Variants in DLG2 observed in about 807,000 individuals in gnomAD.
The protein encoded by DLG2 is discs large MAGUK scaffold protein 2.
In DLG2, 45 loss-of-function variants were observed where a neutral mutation model predicts 132.5. That is an observed-to-expected ratio of 0.34 (90% CI 0.27 to 0.44). The LOEUF (loss-of-function observed/expected upper bound fraction) is 0.44. DLG2 is among the 20% of genes least tolerant of loss of function. The pLI, the probability that DLG2 is intolerant of heterozygous loss-of-function variation, is 1.00. For missense variants in DLG2, 1,045 were observed against 1,196.9 expected (o/e 0.87, Z 1.87); for synonymous variants, 424 against 419.6 (o/e 1.01, Z -0.13).
rs12273398 is a variant in DLG2, at chr11:84,897,018, C to G, written c.357+214643G>C. Among the ~76,000 whole-genome samples the G allele has an allele frequency of 1.7e-3, 255 of 151,794 alleles. 1 individual carries two copies. The highest frequency in any genetic ancestry group is 2.7e-3 in the Non-Finnish European group (181 of 67,780). On this transcript the variant is annotated intron_variant, in intron 6 of 27. Transcript: ENST00000376104. ...GAGTTTCTATGTACCAACCAACCAG[C>G]TTAAGAAATGTATTAATACAGCTGA...
chr11:83,528,478 C>T (rs1202535110), intron 21 of DLG2, among the ~76,000 whole-genome samples: 6 of 152,114 alleles, frequency 3.9e-5, no homozygotes, highest in East Asian at 1.9e-4. Flanking sequence ...TTTCCACTAT[C>T]GTGTTCATGC....
chr11:84,330,479 T>C (rs2154400925), intron 7 of DLG2, among the ~76,000 whole-genome samples: 1 of 152,340 alleles, frequency 6.6e-6, no homozygotes, highest in South Asian at 2.1e-4. Flanking sequence ...TCTGTAGTTT[T>C]CCCATGGTCA....
At chr11:84,357,371 T>C (rs981453529) in intron 7 of DLG2, among the ~76,000 whole-genome samples, 3 of 152,094 alleles carry the variant, frequency 2.0e-5, no homozygotes, top group Admixed American at 2.0e-4. Context: ...AGTCCATGTA[T>C]GTCTTCCTCT....
chr11:84,825,103 G>A (rs938754433), intron 6 of DLG2, among the ~76,000 whole-genome samples: 1 of 151,772 alleles, frequency 6.6e-6, no homozygotes, highest in Admixed American at 6.6e-5. Context: ...GACAGTCTCC[G>A]GGAAGAAACA....
intron 3 of DLG2, among the ~76,000 whole-genome samples, chr11:85,429,921 T>A (rs1412390357): frequency 6.6e-6 from 1 of 152,246 alleles, no homozygotes; most frequent in Admixed American, 6.5e-5. Flanking sequence ...ATGTTTATTG[T>A]GGCACTATTC....
At chr11:84,857,109 T>C (rs2082896644) in intron 6 of DLG2, among the ~76,000 whole-genome samples, 1 of 151,194 alleles carries the variant, frequency 6.6e-6, no homozygotes, top group Non-Finnish European at 1.5e-5. Flanking sequence ...AATACCAACT[T>C]TTCTGGGCAA....
chr11:84,364,065 A>T lies in DLG2; in HGVS notation c.520-112774T>A, dbSNP rs558134590. ...TGTGAAGAAAGTCATTGGTAGCTTG[A>T]TGGGGATGGCATTGAATCTATAAAT... On this transcript the variant is annotated intron_variant, in intron 7 of 27. Transcript: ENST00000376104. Among the ~76,000 whole-genome samples, 479 of 152,188 alleles carry T rather than the reference A, an allele frequency of 3.1e-3. 1 individual carries two copies. Among genetic ancestry groups the T allele is most frequent in the African/African-American group, 0.011 (456 of 41,476 alleles).
intron 6 of DLG2, among the ~76,000 whole-genome samples, chr11:85,035,696 G>A (rs2061381197): frequency 6.6e-6 from 1 of 152,090 alleles, no homozygotes; most frequent in Non-Finnish European, 1.5e-5. Flanking sequence ...ACTATCTTTA[G>A]TAATTTACAT....
chr11:84,152,472 C>T (rs1190515380), intron 9 of DLG2, among the ~76,000 whole-genome samples: 1 of 151,576 alleles, frequency 6.6e-6, no homozygotes, highest in Non-Finnish European at 1.5e-5. Context: ...CTGCAAGCTC[C>T]ACCTCCTGGG....
At chr11:85,299,843 T>C (rs1396614194) in intron 3 of DLG2, among the ~76,000 whole-genome samples, 1 of 152,214 alleles carries the variant, frequency 6.6e-6, no homozygotes, top group Non-Finnish European at 1.5e-5. Flanking sequence ...AACATTTCAG[T>C]ACTGTATAGA....
intron 7 of DLG2, among the ~76,000 whole-genome samples, chr11:84,302,135 G>A (rs192164282): frequency 1.6e-4 from 25 of 152,240 alleles, no homozygotes; most frequent in Non-Finnish European, 4.4e-5. Flanking sequence ...ACTCATAAGT[G>A]GGAGCTGAAC....
chr11:83,948,205 T>C (rs1012710049), intron 14 of DLG2, among the ~76,000 whole-genome samples: 1 of 152,216 alleles, frequency 6.6e-6, no homozygotes. Context: ...ATGGATCAGT[T>C]GATAACATTC....
At chr11:83,507,594 C>CTA (rs2094781057) in intron 21 of DLG2, among the ~76,000 whole-genome samples, 1 of 142,636 alleles carries the variant, frequency 7.0e-6, no homozygotes, top group South Asian at 2.2e-4. Context: ...ATATAGATAT[C>CTA]TATAGGATAT....
At chr11:84,128,185 G>A (rs908734391) in intron 9 of DLG2, among the ~76,000 whole-genome samples, 9 of 152,102 alleles carry the variant, frequency 5.9e-5, no homozygotes, top group Non-Finnish European at 1.0e-4. Flanking sequence ...TGGATAAGTA[G>A]GAAGAAGGTG....
At chr11:83,753,019 G>C (rs1037003402) in intron 18 of DLG2, among the ~76,000 whole-genome samples, 1 of 152,200 alleles carries the variant, frequency 6.6e-6, no homozygotes, top group Non-Finnish European at 1.5e-5. Flanking sequence ...AGGGGACAGT[G>C]AATTTACAAA....
At chr11:83,712,475 A>G (rs570165237) in intron 18 of DLG2, among the ~76,000 whole-genome samples, 21 of 152,114 alleles carry the variant, frequency 1.4e-4, no homozygotes, top group African/African-American at 4.8e-4. Context: ...TTAAAAATAC[A>G]AAAAATTAGC....
intron 6 of DLG2, among the ~76,000 whole-genome samples, chr11:84,639,289 G>T (rs1479438216): frequency 2.0e-5 from 3 of 148,844 alleles, no homozygotes; most frequent in African/African-American, 7.4e-5. Context: ...GTTTTATACT[G>T]AACATATTTT....
At chr11:84,353,238 T>C (rs1282506233) in intron 7 of DLG2, among the ~76,000 whole-genome samples, 1 of 152,158 alleles carries the variant, frequency 6.6e-6, no homozygotes, top group Non-Finnish European at 1.5e-5. Context: ...CTAAATCCAA[T>C]AGACAGTTTT....
intron 18 of DLG2, among the ~76,000 whole-genome samples, chr11:83,708,456 G>A (rs979485244): frequency 6.6e-6 from 1 of 152,188 alleles, no homozygotes; most frequent in Non-Finnish European, 1.5e-5. Flanking sequence ...TAAACAAAGA[G>A]GAGAAACAGC....
Sources: allele counts gnomAD v4.1 joint callset (sites outside exome capture counted in the v4.1 genomes callset), GRCh38; gene constraint gnomAD v4.1.1; transcripts MANE v1.5; gene names NCBI Gene and HGNC (gene_info 2026-07-23, HGNC 2026-07-21).